TENM1: variants seen among roughly 807,000 people sequenced by gnomAD.
TENM1 encodes teneurin transmembrane protein 1, also known as teneurin-1.
In TENM1, 35 loss-of-function variants were observed where a neutral mutation model predicts 174.8. The ratio of observed to expected loss-of-function variants is 0.20; its 90% confidence interval spans 0.15 to 0.27. TENM1 has a LOEUF of 0.27. TENM1 is among the 10% of genes least tolerant of loss of function. The probability of loss-of-function intolerance (pLI) is 1.00; values close to 1 mark genes in which losing one functional copy is unlikely to be tolerated. For missense variants in TENM1, 1,633 were observed against 2,130.1 expected (o/e 0.77, Z 4.59); for synonymous variants, 781 against 798.7 (o/e 0.98, Z 0.37).
chrX:124,635,985 C>T (rs566287627), intron 11 of TENM1, among the ~76,000 whole-genome samples: 2 of 112,000 alleles, frequency 1.8e-5, no homozygotes, highest in African/African-American at 3.2e-5. Flanking sequence ...AAGCCTATAT[C>T]AAATATCATT....
At chrX:124,576,958 T>C (rs1396854354) in intron 11 of TENM1, among the ~76,000 whole-genome samples, 2 of 111,852 alleles carry the variant, frequency 1.8e-5, no homozygotes, top group Non-Finnish European at 3.8e-5. Flanking sequence ...AAACCAAAGA[T>C]CTTCAAATAC....
chrX:124,451,859 AC>A (rs766365666), intron 23 of TENM1, among the ~76,000 whole-genome samples: 2 of 112,114 alleles, frequency 1.8e-5, no homozygotes, highest in Non-Finnish European at 3.8e-5. Context: ...TACACCTTAT[AC>A]AAAAATTAAT....
intron 3 of TENM1, among the ~76,000 whole-genome samples, chrX:124,767,879 A>T (rs1459916918): frequency 9.0e-6 from 1 of 111,709 alleles, no homozygotes; most frequent in Non-Finnish European, 1.9e-5. Flanking sequence ...CCTAAAAGAT[A>T]AGCAAATTTT....
chrX:124,824,875 G>A (rs780371412), intron 3 of TENM1, among the ~76,000 whole-genome samples: 3 of 111,220 alleles, frequency 2.7e-5, no homozygotes, highest in Non-Finnish European at 5.7e-5. Context: ...TCAGATTCAT[G>A]TTCCTCTTTA....
the TENM1 span, among the ~76,000 whole-genome samples, chrX:125,057,219 T>C: frequency 2.7e-5 from 3 of 111,776 alleles, no homozygotes; most frequent in Non-Finnish European, 5.6e-5. Context: ...TGCACTCACA[T>C]AGAATTTCAA....
intron 3 of TENM1, among the ~76,000 whole-genome samples, chrX:124,824,982 G>T (rs193251382): frequency 9.1e-6 from 1 of 110,394 alleles, no homozygotes; most frequent in Admixed American, 9.7e-5. Flanking sequence ...AAAGGACAGA[G>T]ATTTCTTCCT....
intron 1 of TENM1, among the ~76,000 whole-genome samples, chrX:124,918,210 G>C (rs1485350949): frequency 9.3e-6 from 1 of 107,250 alleles, no homozygotes; most frequent in Non-Finnish European, 1.9e-5. Flanking sequence ...GTTGGTGTCT[G>C]GCTCTGTCAC....
the TENM1 span, among the ~76,000 whole-genome samples, chrX:124,980,356 G>A: frequency 1.5e-4 from 17 of 111,090 alleles, no homozygotes; most frequent in Non-Finnish European, 2.5e-4. Flanking sequence ...GTATACAGAT[G>A]CTCTTTAACA....
chrX:125,142,092 C>T, the TENM1 span, among the ~76,000 whole-genome samples: 1 of 112,295 alleles, frequency 8.9e-6, no homozygotes, highest in South Asian at 3.7e-4. Context: ...TGTTAGTTCA[C>T]TTTCTATCCA....
chrX:124,641,685 G>T, intron 11 of TENM1, 106 bp downstream of exon 14: 1 of 733,435 alleles, frequency 1.4e-6, no homozygotes, highest in Non-Finnish European at 2.1e-6. Flanking sequence ...AAACCTCTTA[G>T]GACTCACAAA....
At chrX:124,385,999 C>A in exon 29 of TENM1, 1 of 1,209,094 alleles carries the variant, frequency 8.3e-7, no homozygotes, top group Non-Finnish European at 1.1e-6. Context: ...TGACTGAGAG[C>A]AGACAATCTG....
the TENM1 span, among the ~76,000 whole-genome samples, chrX:125,085,025 C>T: frequency 9.1e-6 from 1 of 110,230 alleles, no homozygotes; most frequent in Non-Finnish European, 1.9e-5. Context: ...TAATTTGATG[C>T]CTACAATAAA....
intron 23 of TENM1, among the ~76,000 whole-genome samples, chrX:124,450,553 G>A (rs1005659972): frequency 9.0e-5 from 10 of 111,307 alleles, no homozygotes; most frequent in South Asian, 3.8e-4. Flanking sequence ...TTTATCAGCA[G>A]CGTAAAAATG....
intron 16 of TENM1, among the ~76,000 whole-genome samples, chrX:124,525,478 C>T (rs2047954087): frequency 8.9e-6 from 1 of 111,981 alleles, no homozygotes; most frequent in Admixed American, 9.5e-5. Flanking sequence ...TTATCTGCCT[C>T]ACCCAAACCT....
intron 18 of TENM1, among the ~76,000 whole-genome samples, 180 bp downstream of exon 21, chrX:124,520,337 C>T (rs2047813252): frequency 9.0e-6 from 1 of 111,611 alleles, no homozygotes; most frequent in Non-Finnish European, 1.9e-5. Flanking sequence ...CTTTTTGAAG[C>T]AAAAATGTGT....
intron 23 of TENM1, among the ~76,000 whole-genome samples, chrX:124,425,519 T>C (rs753289534): frequency 1.8e-5 from 2 of 112,357 alleles, no homozygotes; most frequent in Non-Finnish European, 3.8e-5. Flanking sequence ...GGCATGTTTT[T>C]GTCCTCTTGC....
intron 5 of TENM1, among the ~76,000 whole-genome samples, chrX:124,693,408 G>A (rs2052575101): frequency 9.0e-6 from 1 of 111,108 alleles, no homozygotes; most frequent in Non-Finnish European, 1.9e-5. Context: ...GTATTTATTT[G>A]ACTATCTTCT....
At chrX:124,696,039 C>A (rs1260219087) in intron 5 of TENM1, among the ~76,000 whole-genome samples, 3 of 111,934 alleles carry the variant, frequency 2.7e-5, no homozygotes, top group African/African-American at 9.7e-5. Context: ...TTAGGCATGA[C>A]AAAGAAAGGA....
chrX:124,604,631 G>A (rs1206093151), intron 11 of TENM1, among the ~76,000 whole-genome samples: 1 of 111,009 alleles, frequency 9.0e-6, no homozygotes, highest in Non-Finnish European at 1.9e-5. Context: ...GTCTAAGATG[G>A]CGTCTTCATT....
Sources: gnomAD v4.1 joint callset for allele counts (sites outside exome capture counted in the v4.1 genomes callset) on GRCh38, gnomAD v4.1.1 for gene constraint, MANE v1.5 for transcripts, NCBI Gene and HGNC (gene_info 2026-07-23, HGNC 2026-07-21) for gene names.